Variants in SRRM1 observed in about 807,000 individuals in gnomAD.
SRRM1 encodes the protein serine/arginine repetitive matrix protein 1.
SRRM1 carries 19 observed loss-of-function variants against 110.2 expected under a neutral mutation model. The observed-to-expected ratio is 0.17, with a 90% CI of 0.12 to 0.25. The LOEUF is 0.25. Ranked by LOEUF, SRRM1 falls within the 10% of genes least tolerant of loss-of-function variation. The pLI is 1.00. For missense variants in SRRM1, 918 were observed against 1,145.8 expected (o/e 0.80, Z 2.87); for synonymous variants, 443 against 414.9 (o/e 1.07, Z -0.82).
intron 1 of SRRM1, chr1:24,643,604 G>C (rs1053439533): frequency 1.3e-4 from 55 of 412,430 alleles, no homozygotes; most frequent in Non-Finnish European, 2.0e-4. Context: ...GAATGGGCCG[G>C]GATGGTACCT....
intron 3 of SRRM1, chr1:24,647,295 CT>C (rs1412954415): frequency 6.6e-6 from 1 of 152,666 alleles, no homozygotes; most frequent in East Asian, 1.9e-4. Context: ...GTACACTGCT[CT>C]TTTAAAATAC....
chr1:24,645,480 T>G (rs1033067138), intron 1 of SRRM1, among the ~76,000 whole-genome samples: 1 of 152,246 alleles, frequency 6.6e-6, no homozygotes, highest in Non-Finnish European at 1.5e-5. Flanking sequence ...TAACCCTGTC[T>G]TCTTCACTCA....
intron 12 of SRRM1, among the ~76,000 whole-genome samples, chr1:24,665,814 T>G (rs16829903): frequency 6.6e-6 from 1 of 152,194 alleles, no homozygotes; most frequent in African/African-American, 2.4e-5. Flanking sequence ...GTTGAAAAAT[T>G]TAGTGGTGAC....
intron 5 of SRRM1, 45 bp downstream of exon 5, chr1:24,650,131 G>C (rs2148287028): frequency 6.8e-7 from 1 of 1,461,002 alleles, no homozygotes; most frequent in East Asian, 2.6e-5. Context: ...AGGTACTTTA[G>C]GTCTTAAGAA....
At chr1:24,659,494 AGTG>A (rs1023439977) in intron 9 of SRRM1, among the ~76,000 whole-genome samples, 1 of 152,202 alleles carries the variant, frequency 6.6e-6, no homozygotes, top group Non-Finnish European at 1.5e-5. Context: ...GATGTTCTCA[AGTG>A]GTGTTTTAGG....
rs1663135962 is a variant in SRRM1 at position 24,654,919 on chromosome 1, T to C, written c.1105T>C (p.Ser369Pro). 6.2e-7 allele frequency: 1 copy of C among 1,614,200 alleles called. No homozygotes were observed. The highest frequency in any genetic ancestry group is 8.5e-7 in the Non-Finnish European group (1 of 1,180,038). The change falls in exon 9 of 17, where the codon TCA becomes CCA. Residue 369 changes from serine (S) to proline (P), a missense_variant. Ser to Pro is a moderately conservative substitution (Grantham distance 74). Around this residue, in one of 5 missense-constraint regions of SRRM1, gnomAD observed 456 missense variants for 453.5 expected, o/e 1.01. Transcript: ENST00000323848. ...ATCATCCTCTTCATCTCGTTCACGG[T>C]CACCACCAAAGAAGCCTCCCAAGAG... ...SSSSSSSRSR[S>P]PPKKPPKRTS... is the part of the protein sequence containing the mutation.
chr1:24,653,182 T>C, intron 8 of SRRM1, 150 bp downstream of exon 8: 1 of 745,730 alleles, frequency 1.3e-6, no homozygotes, highest in Non-Finnish European at 2.0e-6. Context: ...TCATTTGAAG[T>C]GTAATGCAGT....
At position 24,669,283 on chromosome 1, in the gene SRRM1, C is replaced by T; in HGVS notation, c.1900C>T (p.Arg634Trp). 1.2e-6 allele frequency: 2 copies of T among 1,614,124 alleles called. No individual in the cohort carries two copies. The highest frequency in any genetic ancestry group is 1.7e-6 in the Non-Finnish European group (2 of 1,180,038). Residue 634 changes from arginine (R) to tryptophan (W), a missense_variant, in exon 14 of 17, where the codon CGG becomes TGG. Coordinates refer to ENST00000323848, the MANE Select transcript of SRRM1 (RefSeq NM_005839.4). ...ATCACCATCTCCACCACCAAAGCGG[C>T]GGGTCTCCCATTCTCCACCTCCCAA... ...RASPSPPPKR[R>W]VSHSPPPKQR...
chr1:24,669,894 C>G (rs1671867987), intron 14 of SRRM1: 3 of 557,706 alleles, frequency 5.4e-6, no homozygotes, highest in African/African-American at 1.9e-5. Context: ...CATTACTAAT[C>G]TTACATAAGA....
At chr1:24,649,485 A>AT (rs1486181204) in intron 4 of SRRM1, among the ~76,000 whole-genome samples, 1 of 152,142 alleles carries the variant, frequency 6.6e-6, no homozygotes, top group African/African-American at 2.4e-5. Flanking sequence ...CATCCAACTC[A>AT]TTTTTGTATT....
chr1:24,654,504 C>G (rs562297777), intron 8 of SRRM1, among the ~76,000 whole-genome samples: 1 of 152,250 alleles, frequency 6.6e-6, no homozygotes, highest in East Asian at 1.9e-4. Context: ...ATGGAAAATA[C>G]CTTGCCCCCA....
Position 24,666,843 on chromosome 1 carries a change from C to T in SRRM1, c.1657C>T (p.Pro553Ser). The T allele has an allele frequency of 6.2e-7, 1 of 1,613,510 alleles. No individual in the cohort carries two copies. Among genetic ancestry groups the T allele is most frequent in the East Asian group, 2.2e-5 (1 of 44,844 alleles). ...TAGACGGAGGAGAAGTCCATCCCCA[C>T]CACCCACCAGAAGGCGACGGTCTCC... ...RGRRRRSPSPPPTRRRRSPSP... is the reference protein window; with the variant it reads ...RGRRRRSPSPSPTRRRRSPSP... Residue 553 changes from proline to serine, a missense_variant, in exon 13 of 17, where the codon CCA becomes TCA. This residue lies in a region of SRRM1 where 357 missense variants were observed against 402.9 expected (regional missense o/e 0.89). Transcript: ENST00000323848.
Position 24,654,979 on chromosome 1 carries a change from TCTC to T in SRRM1, c.1168_1170del (p.Pro390del), listed in dbSNP as rs1368871851. ...CCCCCCTCGGAAAACTCGTAGGTTATCTCCTTCAGCAAGTCCTCCAAGGCGAAG... is the reference window on the plus strand; with the variant it reads ...CCCCCCTCGGAAAACTCGTAGGTTATCTTCAGCAAGTCCTCCAAGGCGAAG... On this transcript the variant is annotated inframe_deletion, in exon 9 of 17. Coordinates refer to ENST00000323848, the MANE Select transcript of SRRM1 (RefSeq NM_005839.4). 6.2e-7 allele frequency: 1 copy of T among 1,614,010 alleles called. No individual in the cohort carries two copies. Among genetic ancestry groups the T allele is most frequent in the African/African-American group, 1.3e-5 (1 of 74,904 alleles).
rs771004368 is a variant in SRRM1 at position 24,646,726 on chromosome 1, G to A, written c.171G>A (p.Thr57=). The A allele has an allele frequency of 5.0e-6, 8 of 1,608,784 alleles. No homozygotes were observed. The highest frequency in any genetic ancestry group is 6.8e-6 in the Non-Finnish European group (8 of 1,177,992). ...VIKPWITKRV[T]EILGFEDDVV... ...AGCCTTGGATAACAAAAAGAGTAAC[G>A]GAAATCCTTGGGTTTGAAGATGATG... Residue 57 remains threonine (T), a synonymous_variant, in exon 3 of 17, where the codon ACG becomes ACA. Transcript: ENST00000323848.
chr1:24,662,645 A>T lies in SRRM1; in HGVS notation c.1484-15A>T. On this transcript the variant is annotated splice_polypyrimidine_tract_variant and intron_variant, in intron 11 of 16. Coordinates refer to ENST00000323848, the MANE Select transcript of SRRM1 (RefSeq NM_005839.4). Reference sequence around the variant, plus strand: ...ACAAACCTAATGTAATATTTTTTTAATTTTGTAATTATAGACTCTGGCTCC... The same window carrying T: ...ACAAACCTAATGTAATATTTTTTTATTTTTGTAATTATAGACTCTGGCTCC... 2 of 1,607,648 alleles carry T rather than the reference A, an allele frequency of 1.2e-6. No individual in the cohort carries two copies. The highest frequency in any genetic ancestry group is 1.7e-5 in the Admixed American group (1 of 58,420).
At chr1:24,661,170 A>G (rs1408009737) in intron 10 of SRRM1, 140 bp from the exon 11 acceptor site, 33 of 598,534 alleles carry the variant, frequency 5.5e-5, no homozygotes, top group Non-Finnish European at 6.0e-6. Context: ...GGCATTTTAA[A>G]CTCTTTTTAA....
chr1:24,672,337 A>G lies in SRRM1; in HGVS notation c.*51A>G, dbSNP rs767104432. The G allele has an allele frequency of 5.3e-6, 7 of 1,323,768 alleles. No homozygotes were observed. The highest frequency in any genetic ancestry group is 7.3e-6 in the Non-Finnish European group (7 of 953,690). 82.0% of individuals were successfully genotyped at this position (1,323,768 alleles called of 1,614,324 possible). ...TTTTATTTGGTTTGTACGCAGTTCAATTTCAAAATTGCTAAAATGTGTTTG... is the reference window on the plus strand; with the variant it reads ...TTTTATTTGGTTTGTACGCAGTTCAGTTTCAAAATTGCTAAAATGTGTTTG... On this transcript the variant is annotated 3_prime_UTR_variant, in exon 17 of 17. Coordinates refer to ENST00000323848, the MANE Select transcript of SRRM1 (RefSeq NM_005839.4).
At position 24,666,878 on chromosome 1, in the gene SRRM1, C is replaced by T. The variant is rs1670277766; in HGVS notation, c.1692C>T (p.Ala564=). The T allele has an allele frequency of 1.2e-6, 2 of 1,612,266 alleles. No individual in the cohort carries two copies. Among genetic ancestry groups the T allele is most frequent in the Non-Finnish European group, 1.7e-6 (2 of 1,179,450 alleles). ...PTRRRRSPSP[A]PPPRRRRTPT... ...GAAGGCGACGGTCTCCTTCTCCCGC[C>T]CCTCCTCCTCGACGGCGCAGGACTC... The change falls in exon 13 of 17, where the codon GCC becomes GCT. Residue 564 remains alanine, a synonymous_variant. Coordinates refer to ENST00000323848, the MANE Select transcript of SRRM1 (RefSeq NM_005839.4).
At chr1:24,661,511 C>CT (rs1198407721) in intron 11 of SRRM1, 115 bp downstream of exon 11, 13 of 665,514 alleles carry the variant, frequency 2.0e-5, no homozygotes, top group East Asian at 5.9e-5. Context: ...AGAAATCTGT[C>CT]TGAGGAGGCA....
Sources: allele counts gnomAD v4.1 joint callset (sites outside exome capture counted in the v4.1 genomes callset), GRCh38; gene constraint gnomAD v4.1.1; regional missense constraint gnomAD v4.1.1; transcripts MANE v1.5; gene names NCBI Gene and HGNC (gene_info 2026-07-23, HGNC 2026-07-21).